Variants in ITPR2 observed in about 807,000 individuals in gnomAD.
ITPR2 encodes the protein inositol 1,4,5-trisphosphate receptor type 2.
ITPR2 carries 207 observed loss-of-function variants against 317.1 expected under a neutral mutation model. That is an observed-to-expected ratio of 0.65 (90% CI 0.58 to 0.73). The LOEUF is 0.73. Among genes scored for constraint, ITPR2 ranks in the 30% least tolerant of loss-of-function variants. ITPR2 has a pLI of 0.00. For missense variants in ITPR2, 2,613 were observed against 3,284.0 expected, an observed-to-expected ratio of 0.80 and a Z score of 4.99; for synonymous variants, 1,156 against 1,149.1, an observed-to-expected ratio of 1.01 and a Z score of -0.12.
chr12:26,620,624 G>A (rs1946469955), intron 26 of ITPR2, among the ~76,000 whole-genome samples: 1 of 152,144 alleles, frequency 6.6e-6, no homozygotes, highest in Admixed American at 6.5e-5. Flanking sequence ...CAATACAACA[G>A]AAGATGACAG....
At chr12:26,383,821 C>T (rs12809470) in intron 55 of ITPR2, among the ~76,000 whole-genome samples, 11,241 of 152,010 alleles carry the variant, frequency 0.074, 558 homozygotes, top group Non-Finnish European at 0.11. Context: ...CCCATTTCTC[C>T]GAAAGGTAGG....
chr12:26,433,044 C>T (rs1225607866), intron 48 of ITPR2, among the ~76,000 whole-genome samples: 1 of 152,234 alleles, frequency 6.6e-6, no homozygotes, highest in Non-Finnish European at 1.5e-5. Context: ...ACAGTCTTAG[C>T]TCTGTTTCCT....
rs1946024443 is a variant in ITPR2, at chr12:26,602,468, C to T, written c.3580G>A (p.Val1194Met). The change falls in exon 28 of 57, where the codon GTG becomes ATG. Residue 1194 changes from valine to methionine, a missense_variant. Coordinates refer to ENST00000381340, the MANE Select transcript of ITPR2 (RefSeq NM_002223.4). ...EILIRLSKLC[V>M]QNKKCRNQHQ... is the part of the protein sequence containing the mutation. The stretch of plus-strand genomic sequence containing the variant: ...TGATTCCGACACTTTTTATTCTGCA[C>T]ACAGAGTTTACTTAGCCTGATCAAA... 6.2e-7 allele frequency: 1 copy of T among 1,613,370 alleles called. No homozygotes were observed. The highest frequency in any genetic ancestry group is 8.5e-7 in the Non-Finnish European group (1 of 1,179,540).
At chr12:26,611,353 A>G (rs3782296) in intron 26 of ITPR2, among the ~76,000 whole-genome samples, 46,194 of 152,094 alleles carry the variant, frequency 0.3, 7,208 homozygotes, top group Middle Eastern at 0.48. Flanking sequence ...AACAAAAATA[A>G]TTATGAAGTA....
At chr12:26,706,298 T>C (rs978718329) in intron 9 of ITPR2, among the ~76,000 whole-genome samples, 3 of 152,218 alleles carry the variant, frequency 2.0e-5, no homozygotes, top group African/African-American at 7.2e-5. Context: ...GTGGTCTTCT[T>C]TAATCACAAA....
intron 55 of ITPR2, among the ~76,000 whole-genome samples, chr12:26,365,776 G>T (rs1317616303): frequency 1.3e-5 from 2 of 152,212 alleles, no homozygotes; most frequent in Non-Finnish European, 2.9e-5. Context: ...GAAGAGGGCA[G>T]CCAACGTGTT....
chr12:26,651,296 C>T (rs895008060), intron 21 of ITPR2, among the ~76,000 whole-genome samples: 9 of 152,164 alleles, frequency 5.9e-5, no homozygotes, highest in Non-Finnish European at 1.0e-4. Context: ...TTCTTTGGAT[C>T]ATTGTCATTC....
chr12:26,555,077 G>T (rs959277444), intron 36 of ITPR2, among the ~76,000 whole-genome samples: 3 of 152,058 alleles, frequency 2.0e-5, no homozygotes, highest in African/African-American at 7.2e-5. Context: ...TCCCTAAGAC[G>T]CAATGAGTCT....
chr12:26,775,130 T>C (rs1401379358), intron 2 of ITPR2, among the ~76,000 whole-genome samples: 1 of 152,136 alleles, frequency 6.6e-6, no homozygotes, highest in Non-Finnish European at 1.5e-5. Context: ...TCTTCCAGGG[T>C]CTGATCCACA....
chr12:26,701,070 T>C (rs1410554035), intron 9 of ITPR2, among the ~76,000 whole-genome samples: 1 of 152,282 alleles, frequency 6.6e-6, no homozygotes, highest in African/African-American at 2.4e-5. Context: ...CAGAGACCCA[T>C]TACTAATCTT....
At chr12:26,556,636 C>T (rs1944672105) in intron 35 of ITPR2, among the ~76,000 whole-genome samples, 1 of 149,074 alleles carries the variant, frequency 6.7e-6, no homozygotes, top group Non-Finnish European at 1.5e-5. Flanking sequence ...AGCTATAAGA[C>T]TTCTAAGGAT....
chr12:26,554,915 A>G (rs1438190772), intron 36 of ITPR2, among the ~76,000 whole-genome samples: 1 of 152,032 alleles, frequency 6.6e-6, no homozygotes, highest in Non-Finnish European at 1.5e-5. Context: ...TCAACACCCT[A>G]TTTTTATAGT....
intron 50 of ITPR2, among the ~76,000 whole-genome samples, chr12:26,415,842 C>T (rs911282601): frequency 2.0e-5 from 3 of 152,140 alleles, no homozygotes; most frequent in Admixed American, 1.3e-4. Flanking sequence ...TACTTATTCA[C>T]TTATTCTTTA....
intron 54 of ITPR2, among the ~76,000 whole-genome samples, chr12:26,393,679 G>A (rs1939913008): frequency 6.6e-6 from 1 of 152,068 alleles, no homozygotes; most frequent in Admixed American, 6.5e-5. Context: ...AATTACTTAA[G>A]TGTTTCCTCA....
chr12:26,631,276 T>C (rs1946746296), intron 22 of ITPR2, among the ~76,000 whole-genome samples: 1 of 152,200 alleles, frequency 6.6e-6, no homozygotes, highest in East Asian at 1.9e-4. Context: ...AAATAATAAT[T>C]TATCTCCTTT....
At chr12:26,819,323 G>C (rs1204125051) in intron 1 of ITPR2, among the ~76,000 whole-genome samples, 1 of 152,170 alleles carries the variant, frequency 6.6e-6, no homozygotes, top group Non-Finnish European at 1.5e-5. Flanking sequence ...TTTTGGAATT[G>C]GCTTAAGGCA....
At position 26,718,172 on chromosome 12, in the gene ITPR2, T is replaced by C. The variant is rs143614218; in HGVS notation, c.526-1930A>G. 4.6e-3 allele frequency among the ~76,000 whole-genome samples: 697 copies of C among 152,304 alleles called. 9 individuals are homozygous for C. The highest frequency in any genetic ancestry group is 0.029 in the South Asian group (142 of 4,826). ...ATGTGCCCTGATGGCTTACTGCACC[T>C]ATTGACCCGTCCTCTAAGTTCCCTC... is the stretch of plus-strand genomic sequence containing the variant. On this transcript the variant is annotated intron_variant, in intron 5 of 56. Coordinates refer to ENST00000381340, the MANE Select transcript of ITPR2 (RefSeq NM_002223.4).
At chr12:26,702,667 T>C (rs989055940) in intron 9 of ITPR2, among the ~76,000 whole-genome samples, 1 of 152,168 alleles carries the variant, frequency 6.6e-6, no homozygotes, top group African/African-American at 2.4e-5. Flanking sequence ...CTTGAACTCC[T>C]GACCTCAAGT....
At chr12:26,789,445 C>T (rs1046978873) in intron 2 of ITPR2, among the ~76,000 whole-genome samples, 1 of 152,178 alleles carries the variant, frequency 6.6e-6, no homozygotes, top group Non-Finnish European at 1.5e-5. Flanking sequence ...GGCCGTTTTT[C>T]ACCATTATGA....
Sources: allele counts gnomAD v4.1 joint callset (sites outside exome capture counted in the v4.1 genomes callset), GRCh38; gene constraint gnomAD v4.1.1; transcripts MANE v1.5; gene names NCBI Gene and HGNC (gene_info 2026-07-23, HGNC 2026-07-21).